Variants in NEMP2 observed in about 807,000 individuals in gnomAD.
The protein encoded by NEMP2 is nuclear envelope integral membrane protein 2.
In NEMP2, 53 loss-of-function variants were observed where a neutral mutation model predicts 54.2. That is an observed-to-expected ratio of 0.98 (90% CI 0.78 to 1.23). The LOEUF is 1.23. Among genes scored for constraint, NEMP2 ranks in the 50% most tolerant of loss-of-function variants. The pLI, the probability that NEMP2 is intolerant of heterozygous loss-of-function variation, is 0.00. For synonymous variants in NEMP2, 197 were observed against 190.3 expected, an observed-to-expected ratio of 1.04 and a Z score of -0.29; for missense variants, 455 against 511.3, an observed-to-expected ratio of 0.89 and a Z score of 1.06.
the NEMP2 span, among the ~76,000 whole-genome samples, chr2:190,430,807 A>G: frequency 3.2e-5 from 4 of 124,012 alleles, no homozygotes; most frequent in African/African-American, 6.3e-5. Flanking sequence ...CGCCCCCCCC[A>G]CCTCCCTCCC....
At position 190,510,473 on chromosome 2, in the gene NEMP2, T is replaced by G; in HGVS notation, c.1018A>C (p.Arg340=). 1 of 1,551,952 alleles carries G rather than the reference T, an allele frequency of 6.4e-7. No individual in the cohort carries two copies. Among genetic ancestry groups the G allele is most frequent in the African/African-American group, 1.4e-5 (1 of 73,174 alleles). The part of the protein sequence containing the change: ...VVKYLTEDEY[R]EQADAETNSA... ...TTCGTTTCAGCATCAGCTTGCTCCC[T>G]GTACTCGTCTTCCGTAAGATATTTC... is the stretch of plus-strand genomic sequence containing the variant. The change falls in exon 8 of 9, where the codon AGG becomes CGG. Residue 340 remains arginine (R), a synonymous_variant. Transcript: ENST00000409150. This position sits in a 1 kb window ranked among gnomAD's most constrained non-coding sequence, Gnocchi z 5.7.
chr2:190,579,936 C>T, the NEMP2 span, among the ~76,000 whole-genome samples: 4 of 152,142 alleles, frequency 2.6e-5, no homozygotes, highest in South Asian at 4.1e-4. Flanking sequence ...CCCAGGTCTC[C>T]GTTTGAGAGA....
At chr2:190,491,436 T>C in the NEMP2 span, among the ~76,000 whole-genome samples, 2 of 152,174 alleles carry the variant, frequency 1.3e-5, no homozygotes, top group East Asian at 1.9e-4. The surrounding 1 kb of genome is among the most constrained non-coding windows in gnomAD (Gnocchi z 4.2). Context: ...AGGCCAAATA[T>C]TGGGCTGGTA....
the NEMP2 span, among the ~76,000 whole-genome samples, chr2:190,574,778 T>TCCTTCCCCC: frequency 9.5e-6 from 1 of 105,626 alleles, no homozygotes. Context: ...CTCCCTTCCC[T>TCCTTCCCCC]CCTTCCCTCC....
the NEMP2 span, among the ~76,000 whole-genome samples, chr2:190,479,617 C>T: frequency 6.6e-6 from 1 of 152,130 alleles, no homozygotes; most frequent in Non-Finnish European, 1.5e-5. Context: ...GGTTGCAAAT[C>T]CTTGCAAAAC....
the NEMP2 span, among the ~76,000 whole-genome samples, chr2:190,551,457 A>G: frequency 6.7e-6 from 1 of 150,354 alleles, no homozygotes; most frequent in Non-Finnish European, 1.5e-5. Context: ...TGTTTCTCCT[A>G]GTATAGTTTC....
intron 1 of NEMP2, among the ~76,000 whole-genome samples, chr2:190,532,839 C>T (rs1691196956): frequency 6.6e-6 from 1 of 152,190 alleles, no homozygotes; most frequent in Non-Finnish European, 1.5e-5. Context: ...CTACCAGATG[C>T]TGGGCGCTTC....
chr2:190,624,737 T>C, the NEMP2 span: 1 of 152,154 alleles, frequency 6.6e-6, no homozygotes, highest in Non-Finnish European at 1.5e-5. Flanking sequence ...CTGTCATTCA[T>C]ATGTGGGAGC....
At chr2:190,441,322 G>A in the NEMP2 span, among the ~76,000 whole-genome samples, 3 of 152,088 alleles carry the variant, frequency 2.0e-5, no homozygotes, top group East Asian at 5.8e-4. Flanking sequence ...TAATGCCCAG[G>A]TTGCACCCAG....
At chr2:190,584,413 GTCCTAAGAAATCACTTTC>G in the NEMP2 span, among the ~76,000 whole-genome samples, 2 of 152,122 alleles carry the variant, frequency 1.3e-5, no homozygotes, top group African/African-American at 2.4e-5. This position sits in a 1 kb window ranked among gnomAD's most constrained non-coding sequence, Gnocchi z 4.2. Context: ...GATGTCCTGG[GTCCTAAGAAATCACTTTC>G]TCCTAAGAAA....
chr2:190,517,975 T>C (rs1690620961), intron 4 of NEMP2, among the ~76,000 whole-genome samples: 1 of 152,204 alleles, frequency 6.6e-6, no homozygotes, highest in Non-Finnish European at 1.5e-5. Flanking sequence ...AGTGGAGGAT[T>C]TGGGATTACA....
the NEMP2 span, among the ~76,000 whole-genome samples, chr2:190,451,591 A>C: frequency 6.6e-6 from 1 of 152,236 alleles, no homozygotes; most frequent in East Asian, 1.9e-4. The surrounding 1 kb of genome is among the most constrained non-coding windows in gnomAD (Gnocchi z 5.0). Flanking sequence ...GACAGAGTGA[A>C]GGGTCCTAAG....
chr2:190,481,997 C>G, the NEMP2 span, among the ~76,000 whole-genome samples: 1 of 152,164 alleles, frequency 6.6e-6, no homozygotes, highest in Non-Finnish European at 1.5e-5. Context: ...TTCCCAGCCT[C>G]CCTTGCAGTT....
At chr2:190,553,259 A>T in the NEMP2 span, 1 of 147,760 alleles carries the variant, frequency 6.8e-6, no homozygotes, top group African/African-American at 2.5e-5. Context: ...GAAAAAAAAA[A>T]TTGAACTTAG....
chr2:190,563,646 A>C, the NEMP2 span, among the ~76,000 whole-genome samples: 1 of 152,172 alleles, frequency 6.6e-6, no homozygotes, highest in African/African-American at 2.4e-5. The surrounding 1 kb of genome is among the most constrained non-coding windows in gnomAD (Gnocchi z 4.3). Context: ...GTGAAAACAC[A>C]CTCCCCATCT....
the NEMP2 span, chr2:190,497,903 TAG>T: frequency 1.6e-6 from 1 of 633,180 alleles, no homozygotes; most frequent in Non-Finnish European, 2.6e-6. This position sits in a 1 kb window ranked among gnomAD's most constrained non-coding sequence, Gnocchi z 5.2. Context: ...CAAGGTCCCA[TAG>T]AGAGAATATT....
In NEMP2 at chr2:190,516,343, G is replaced by A; in HGVS notation, c.654C>T (p.Ala218=). 1 of 1,551,536 alleles carries A rather than the reference G, an allele frequency of 6.4e-7. No homozygotes were observed. The highest frequency in any genetic ancestry group is 8.7e-7 in the Non-Finnish European group (1 of 1,146,950). ...FWALMVGCWF[A]SVYIVCQLME... ...TCAACTGGCATACAATATAAACTGA[G>A]GCAAACCAACAACCAACCATTAGAG... is the stretch of plus-strand genomic sequence containing the variant. The change falls in exon 6 of 9, where the codon GCC becomes GCT. Residue 218 remains alanine (A), a synonymous_variant. Coordinates refer to ENST00000409150, the MANE Select transcript of NEMP2 (RefSeq NM_001142645.2).
the NEMP2 span, among the ~76,000 whole-genome samples, chr2:190,598,168 G>A: frequency 1.3e-5 from 2 of 152,142 alleles, no homozygotes; most frequent in African/African-American, 2.4e-5. Flanking sequence ...AACATTTCCA[G>A]ACATTGCCAA....
At chr2:190,629,927 C>T in the NEMP2 span, 3 of 152,330 alleles carry the variant, frequency 2.0e-5, no homozygotes, top group East Asian at 5.8e-4. Flanking sequence ...TAAAACATGG[C>T]TTCGCCAGTA....
Sources: allele counts gnomAD v4.1 joint callset (sites outside exome capture counted in the v4.1 genomes callset), GRCh38; gene constraint gnomAD v4.1.1; non-coding constraint Gnocchi (gnomAD v3.1); transcripts MANE v1.5; gene names NCBI Gene and HGNC (gene_info 2026-07-23, HGNC 2026-07-21).